Variants in CEP112 observed in about 807,000 individuals in gnomAD.
CEP112 encodes centrosomal protein of 112 kDa.
In CEP112, 127 loss-of-function variants were observed where a neutral mutation model predicts 153.0. That is an observed-to-expected ratio of 0.83 (90% confidence interval 0.72 to 0.96). CEP112 has a LOEUF of 0.96. CEP112 is among the 40% of genes least tolerant of loss of function. The pLI, the probability that CEP112 is intolerant of heterozygous loss-of-function variation, is 0.00. For synonymous variants in CEP112, 358 were observed against 374.4 expected, an observed-to-expected ratio of 0.96 and a Z score of 0.51; for missense variants, 1,089 against 1,101.2, an observed-to-expected ratio of 0.99 and a Z score of 0.16.
chr17:65,812,215 G>C (rs2056011452), intron 21 of CEP112, among the ~76,000 whole-genome samples: 1 of 152,096 alleles, frequency 6.6e-6, no homozygotes, highest in South Asian at 2.1e-4. Context: ...ATGTTAGCCA[G>C]GATGGTCTTG....
chr17:66,183,673 A>C (rs2072810317), intron 1 of CEP112, among the ~76,000 whole-genome samples: 1 of 152,152 alleles, frequency 6.6e-6, no homozygotes, highest in Non-Finnish European at 1.5e-5. Context: ...AACCAGACCA[A>C]AACAAACATA....
At chr17:65,856,015 A>G (rs2058108591) in intron 20 of CEP112, among the ~76,000 whole-genome samples, 1 of 152,090 alleles carries the variant, frequency 6.6e-6, no homozygotes, top group Non-Finnish European at 1.5e-5. Flanking sequence ...CCGTGGTCAT[A>G]CCCTGTACTC....
At chr17:65,972,073 C>A (rs2044181) in intron 17 of CEP112, among the ~76,000 whole-genome samples, 73,045 of 152,020 alleles carry the variant, frequency 0.48, 18,538 homozygotes, top group East Asian at 0.89. Flanking sequence ...CACTTATGGA[C>A]TATTCCACCC....
chr17:65,813,786 A>G (rs1403727583), intron 21 of CEP112, among the ~76,000 whole-genome samples: 2 of 152,184 alleles, frequency 1.3e-5, no homozygotes, highest in African/African-American at 4.8e-5. Context: ...ATTTACACCA[A>G]TTATTTTCAG....
At chr17:66,070,094 C>T (rs2146081992) in intron 8 of CEP112, 93 bp from the exon 9 acceptor site, 6 of 685,872 alleles carry the variant, frequency 8.7e-6, no homozygotes, top group South Asian at 5.8e-5. Flanking sequence ...ATAAAAAAGA[C>T]AGTTATCATT....
chr17:66,116,958 C>CTGG (rs2069327910), intron 6 of CEP112, among the ~76,000 whole-genome samples: 2 of 151,260 alleles, frequency 1.3e-5, no homozygotes, highest in Non-Finnish European at 2.9e-5. Context: ...CCTCCGCCTC[C>CTGG]TGGGTTCAAG....
intron 17 of CEP112, among the ~76,000 whole-genome samples, chr17:65,972,069 T>C (rs1162921414): frequency 1.3e-5 from 2 of 152,192 alleles, no homozygotes; most frequent in Non-Finnish European, 2.9e-5. Context: ...TGGACACTTA[T>C]GGACTATTCC....
At chr17:66,118,669 T>C (rs956412805) in intron 6 of CEP112, among the ~76,000 whole-genome samples, 3 of 152,142 alleles carry the variant, frequency 2.0e-5, no homozygotes, top group African/African-American at 2.4e-5. Flanking sequence ...AGGGTAACTA[T>C]AGTTAACAAT....
intron 21 of CEP112, among the ~76,000 whole-genome samples, chr17:65,762,096 G>A (rs1394727177): frequency 2.6e-5 from 4 of 151,960 alleles, no homozygotes; most frequent in East Asian, 1.9e-4. Context: ...TTTGCCTCAC[G>A]TATTTTGATG....
chr17:66,100,851 T>C (rs1163344731), intron 6 of CEP112, among the ~76,000 whole-genome samples: 1 of 152,088 alleles, frequency 6.6e-6, no homozygotes, highest in African/African-American at 2.4e-5. Flanking sequence ...AACAACTATT[T>C]CCATATCATT....
intron 6 of CEP112, among the ~76,000 whole-genome samples, chr17:66,125,758 AG>A (rs1190464987): frequency 6.6e-6 from 1 of 152,058 alleles, no homozygotes; most frequent in East Asian, 1.9e-4. Flanking sequence ...AAAAAAGAAG[AG>A]AAAAAGAAGA....
At chr17:65,658,853 G>A (rs1356155375) in intron 24 of CEP112, among the ~76,000 whole-genome samples, 1 of 151,530 alleles carries the variant, frequency 6.6e-6, no homozygotes, top group East Asian at 1.9e-4. Context: ...AGTTAGGAGA[G>A]CGGGGAGCAA....
intron 3 of CEP112, among the ~76,000 whole-genome samples, chr17:66,176,258 C>A (rs903745352): frequency 1.3e-5 from 2 of 152,172 alleles, no homozygotes; most frequent in Non-Finnish European, 2.9e-5. Context: ...CACTCAAATA[C>A]CAAACAAACC....
At chr17:65,913,753 G>A in intron 19 of CEP112, 2 of 985,422 alleles carry the variant, frequency 2.0e-6, no homozygotes, top group South Asian at 4.7e-5. Context: ...ACTGCCTGCT[G>A]AAGCTCCCGA....
chr17:65,829,048 AC>A (rs1470640080), intron 21 of CEP112, among the ~76,000 whole-genome samples: 1 of 152,110 alleles, frequency 6.6e-6, no homozygotes, highest in Non-Finnish European at 1.5e-5. Context: ...TATGCACTGC[AC>A]CCTAGGCATC....
intron 12 of CEP112, among the ~76,000 whole-genome samples, chr17:66,031,497 T>TTTG (rs2065481420): frequency 2.0e-5 from 3 of 148,176 alleles, no homozygotes; most frequent in African/African-American, 2.5e-5. Context: ...TTTTTTTTTT[T>TTTG]TTTTGAGACA....
intron 24 of CEP112, among the ~76,000 whole-genome samples, chr17:65,670,607 T>C (rs187914961): frequency 5.3e-5 from 8 of 152,290 alleles, no homozygotes; most frequent in Admixed American, 3.3e-4. Context: ...CTGCAACAAT[T>C]AACCAACTTA....
intron 16 of CEP112, among the ~76,000 whole-genome samples, chr17:66,026,637 C>T (rs1222797309): frequency 6.6e-6 from 1 of 152,120 alleles, no homozygotes. Context: ...GGAATTGGTG[C>T]CAGGGCCCCT....
chr17:65,866,441 G>A (rs960842190), intron 20 of CEP112, among the ~76,000 whole-genome samples: 2 of 152,242 alleles, frequency 1.3e-5, no homozygotes, highest in Non-Finnish European at 2.9e-5. Flanking sequence ...GCAGCAGGAG[G>A]CAGACAGGCT....
Sources: allele counts gnomAD v4.1 joint callset (sites outside exome capture counted in the v4.1 genomes callset), GRCh38; gene constraint gnomAD v4.1.1; transcripts MANE v1.5; gene names NCBI Gene and HGNC (gene_info 2026-07-23, HGNC 2026-07-21).